TEX9: variants seen among roughly 807,000 people sequenced by gnomAD.
TEX9 encodes testis-expressed protein 9.
In TEX9, 74 loss-of-function variants were observed where a neutral mutation model predicts 59.6. The observed-to-expected ratio is 1.24, with a 90% confidence interval of 1.03 to 1.51. The LOEUF (loss-of-function observed/expected upper bound fraction) is 1.51. TEX9 is among the 40% of genes most tolerant of loss of function. The probability of loss-of-function intolerance (pLI) is 0.00; values close to 1 mark genes in which losing one functional copy is unlikely to be tolerated. For missense variants in TEX9, 522 were observed against 447.8 expected, an observed-to-expected ratio of 1.17 and a Z score of -1.49; for synonymous variants, 186 against 152.2, an observed-to-expected ratio of 1.22 and a Z score of -1.64.
intron 10 of TEX9, among the ~76,000 whole-genome samples, chr15:56,417,071 A>G (rs2049726453): frequency 6.6e-6 from 1 of 151,472 alleles, no homozygotes; most frequent in South Asian, 2.1e-4. Flanking sequence ...GTCATTTCTA[A>G]TTGTGTTTAT....
At chr15:56,403,819 A>G (rs1416617644) in intron 9 of TEX9, among the ~76,000 whole-genome samples, 1 of 152,262 alleles carries the variant, frequency 6.6e-6, no homozygotes, top group Non-Finnish European at 1.5e-5. Context: ...GCCCTCAGAA[A>G]TAATACCACA....
chr15:56,425,460 T>C (rs1247010688), intron 10 of TEX9, among the ~76,000 whole-genome samples: 2 of 152,172 alleles, frequency 1.3e-5, no homozygotes, highest in African/African-American at 4.8e-5. Context: ...GTCTGAAAGC[T>C]CACTCATTCT....
chr15:56,431,439 A>G (rs2140318225), intron 12 of TEX9: 2 of 1,613,660 alleles, frequency 1.2e-6, no homozygotes, highest in Non-Finnish European at 1.7e-6. Flanking sequence ...CTTCTTCAAT[A>G]ATTGCATTAA....
At chr15:56,346,644 G>T (rs1268534897) in intron 1 of TEX9, among the ~76,000 whole-genome samples, 1 of 152,054 alleles carries the variant, frequency 6.6e-6, no homozygotes. Flanking sequence ...TCAACCACAC[G>T]TTTTTCTTTA....
intron 1 of TEX9, among the ~76,000 whole-genome samples, chr15:56,263,734 C>A (rs964677797): frequency 2.6e-5 from 4 of 152,180 alleles, no homozygotes; most frequent in Non-Finnish European, 5.9e-5. Flanking sequence ...CAGATCCTGA[C>A]AACTACTGAC....
chr15:56,436,075 G>A (rs1233531206), intron 12 of TEX9, among the ~76,000 whole-genome samples: 2 of 152,178 alleles, frequency 1.3e-5, no homozygotes, highest in African/African-American at 4.8e-5. Flanking sequence ...AGGATATCCA[G>A]GAATTGAACT....
At chr15:56,354,473 A>G (rs2046648539) in intron 1 of TEX9, among the ~76,000 whole-genome samples, 1 of 152,230 alleles carries the variant, frequency 6.6e-6, no homozygotes, top group Non-Finnish European at 1.5e-5. Flanking sequence ...TACCAGGAAA[A>G]TCAAAAGAAT....
exon 8 of TEX9, chr15:56,394,202 T>C: frequency 6.2e-7 from 1 of 1,609,198 alleles, no homozygotes. Context: ...AACTCCATGT[T>C]ATGCAGGAGG....
At chr15:56,390,656 A>T (rs17238691) in intron 6 of TEX9, among the ~76,000 whole-genome samples, 47,772 of 151,890 alleles carry the variant, frequency 0.31, 8,127 homozygotes, top group Middle Eastern at 0.48. Flanking sequence ...AAAAATTCAC[A>T]TCCAACTTTT....
At chr15:56,353,922 G>A (rs1390875054) in intron 1 of TEX9, among the ~76,000 whole-genome samples, 2 of 152,104 alleles carry the variant, frequency 1.3e-5, no homozygotes, top group Non-Finnish European at 2.9e-5. Context: ...CAGCTTTAGA[G>A]GCCTTTTTCC....
intron 10 of TEX9, among the ~76,000 whole-genome samples, chr15:56,424,374 A>G (rs780259056): frequency 1.3e-5 from 2 of 152,104 alleles, no homozygotes; most frequent in Admixed American, 6.6e-5. Context: ...ACCTATGCAT[A>G]TCTCTGGATC....
chr15:56,287,909 C>CCATT (rs1486445199), intron 1 of TEX9, among the ~76,000 whole-genome samples: 1 of 151,998 alleles, frequency 6.6e-6, no homozygotes, highest in Non-Finnish European at 1.5e-5. Context: ...TTTTCTTTAT[C>CCATT]CATTCATTCA....
At chr15:56,394,575 A>T (rs1304756023) in intron 8 of TEX9, 86 bp from the exon 9 acceptor site, 2 of 983,952 alleles carry the variant, frequency 2.0e-6, no homozygotes, top group Non-Finnish European at 3.0e-6. Flanking sequence ...AATATCAAAG[A>T]ACATATGAAA....
At chr15:56,280,860 C>G (rs184338035) in intron 1 of TEX9, among the ~76,000 whole-genome samples, 2 of 152,288 alleles carry the variant, frequency 1.3e-5, no homozygotes, top group East Asian at 1.9e-4. Flanking sequence ...GAATAACTTA[C>G]GCCTAGCATA....
intron 1 of TEX9, among the ~76,000 whole-genome samples, chr15:56,346,092 A>C (rs1361646723): frequency 6.6e-6 from 1 of 152,186 alleles, no homozygotes; most frequent in Non-Finnish European, 1.5e-5. Flanking sequence ...TGCTTCTCAT[A>C]GAGTTTAATG....
At chr15:56,304,181 A>T (rs1419677343) in intron 1 of TEX9, among the ~76,000 whole-genome samples, 3 of 152,164 alleles carry the variant, frequency 2.0e-5, no homozygotes, top group Admixed American at 1.3e-4. Flanking sequence ...TGGTGTGATC[A>T]TTATGAAAAC....
intron 12 of TEX9, among the ~76,000 whole-genome samples, chr15:56,433,097 C>A (rs771800980): frequency 3.3e-5 from 5 of 152,118 alleles, no homozygotes; most frequent in African/African-American, 1.2e-4. Flanking sequence ...CCTGGGCCAC[C>A]AAATCATTTT....
At chr15:56,334,001 A>G (rs1485510815) in intron 1 of TEX9, among the ~76,000 whole-genome samples, 2 of 152,216 alleles carry the variant, frequency 1.3e-5, no homozygotes, top group Non-Finnish European at 2.9e-5. Flanking sequence ...ACACTGATAC[A>G]AGAAATTGAA....
At chr15:56,427,408 A>T (rs369371710) in intron 10 of TEX9, among the ~76,000 whole-genome samples, 197 bp from the exon 11 acceptor site, 51 of 152,120 alleles carry the variant, frequency 3.4e-4, no homozygotes, top group African/African-American at 1.1e-3. Context: ...AACATTTTTT[A>T]AAAATGGGAA....
Sources: gnomAD v4.1 joint callset for allele counts (sites outside exome capture counted in the v4.1 genomes callset) on GRCh38, gnomAD v4.1.1 for gene constraint, MANE v1.5 for transcripts, NCBI Gene and HGNC (gene_info 2026-07-23, HGNC 2026-07-21) for gene names.